The following VWA7 variants were observed in gnomAD, a reference collection of about 807,000 sequenced individuals.
VWA7 encodes von Willebrand factor A domain-containing protein 7.
VWA7 carries 66 observed loss-of-function variants against 83.1 expected under a neutral mutation model. The ratio of observed to expected loss-of-function variants is 0.79; its 90% CI spans 0.65 to 0.98. The LOEUF is 0.98. VWA7 is among the 50% of genes least tolerant of loss of function. VWA7 has a pLI of 0.00. For synonymous variants in VWA7, 424 were observed against 488.5 expected (o/e 0.87, Z 1.74); for missense variants, 1,080 against 1,160.2 (o/e 0.93, Z 1.00).
Position 31,770,019 on chromosome 6 carries a change from C to T in VWA7, c.1182G>A (p.Met394Ile). 12 of 1,612,900 alleles carry T rather than the reference C, an allele frequency of 7.4e-6. No homozygotes were observed. The highest frequency in any genetic ancestry group is 1.0e-5 in the Non-Finnish European group (12 of 1,179,984). The change falls in exon 8 of 17, where the codon ATG (methionine) becomes ATA (isoleucine). Residue 394 changes from methionine (M) to isoleucine (I), a missense_variant. Coordinates refer to ENST00000375688, the MANE Select transcript of VWA7 (RefSeq NM_025258.3). ...GCCAGACCTGCAGGGCTGACAGGCA[C>T]ATCTCAGGCTCGTCTCCACCCCCCA... Reference protein sequence around the residue: ...HALGGGDEPEMCLSALQLALL... With the variant: ...HALGGGDEPEICLSALQLALL...
chr6:31,773,157 T>C lies in VWA7; in HGVS notation c.918-34A>G. On this transcript the variant is annotated intron_variant, in intron 6 of 16. Transcript: ENST00000375688. This position sits in a 1 kb window ranked among gnomAD's most constrained non-coding sequence, Gnocchi z 5.3. ...CAAGCCAGAGACACAGTGAAGGGCC[T>C]GCACGTTTGTCCCCAGCGCCTGGTT... 1 of 1,602,012 alleles carries C rather than the reference T, an allele frequency of 6.2e-7. No homozygotes were observed. The highest frequency in any genetic ancestry group is 8.5e-7 in the Non-Finnish European group (1 of 1,174,838).
At position 31,776,568 on chromosome 6, in the gene VWA7, G is replaced by A. The variant is rs1027331068; in HGVS notation, c.212C>T (p.Pro71Leu). ...CACCAGGAAGTCCTCAAGACGAAGA[G>A]GGGGGCGGCCTGGGGGTGGCTGCTC... Reference protein sequence around the residue: ...FLEQPPPGRPPLRLEDFLGRT... With the variant: ...FLEQPPPGRPLLRLEDFLGRT... The change falls in exon 2 of 17, where the codon CCT becomes CTT. Residue 71 changes from proline (P) to leucine (L), a missense_variant. Transcript: ENST00000375688. The surrounding 1 kb of genome is among the most constrained non-coding windows in gnomAD (Gnocchi z 6.2). 3.9e-6 allele frequency: 6 copies of A among 1,548,164 alleles called. No individual in the cohort carries two copies. The highest frequency in any genetic ancestry group is 2.0e-5 in the Admixed American group (1 of 50,638).
At position 31,773,553 on chromosome 6, in the gene VWA7, G is replaced by T; in HGVS notation, c.722-116C>A. 9.0e-7 allele frequency: 1 copy of T among 1,109,908 alleles called. No homozygotes were observed. Among genetic ancestry groups the T allele is most frequent in the Non-Finnish European group, 1.2e-6 (1 of 802,286 alleles). 68.8% of individuals were successfully genotyped at this position (1,109,908 alleles called of 1,614,324 possible). On this transcript the variant is annotated intron_variant, in intron 5 of 16. Coordinates refer to ENST00000375688, the MANE Select transcript of VWA7 (RefSeq NM_025258.3). The surrounding 1 kb of genome is among the most constrained non-coding windows in gnomAD (Gnocchi z 5.3). ...TCACCCCTCAGCAAGGGTTCAGCAA[G>T]AAATGATGACGGGGTTGGCGCGGTG...
In VWA7 at chr6:31,770,015, G is replaced by A. The variant is rs753328929; in HGVS notation, c.1186C>T (p.Leu396=). ...LGGGDEPEMC[L]SALQLALLHT... ...AGGGGCCAGACCTGCAGGGCTGACA[G>A]GCACATCTCAGGCTCGTCTCCACCC... Residue 396 remains leucine, a synonymous_variant, in exon 8 of 17, where the codon CTG becomes TTG. Coordinates refer to ENST00000375688, the MANE Select transcript of VWA7 (RefSeq NM_025258.3). The A allele has an allele frequency of 1.2e-6, 2 of 1,612,950 alleles. No individual in the cohort carries two copies. Among genetic ancestry groups the A allele is most frequent in the Non-Finnish European group, 1.7e-6 (2 of 1,179,970 alleles).
At chr6:31,772,852 G>C (rs1056206044) in intron 7 of VWA7, 102 bp downstream of exon 7, 4 of 1,413,772 alleles carry the variant, frequency 2.8e-6, no homozygotes, top group Non-Finnish European at 3.8e-6. Context: ...ACCTGCCTCA[G>C]CCTCCCAAAG....
Position 31,775,273 on chromosome 6 carries a change from G to A in VWA7, c.610+60C>T. The A allele has an allele frequency of 2.1e-6, 3 of 1,420,134 alleles. No individual in the cohort carries two copies. The highest frequency in any genetic ancestry group is 2.9e-6 in the Non-Finnish European group (3 of 1,031,752). The allele number at this position is 1,420,134 out of a possible 1,614,324, so 88.0% of individuals were successfully genotyped here. A position where few individuals can be genotyped will look rare whatever the true frequency, so the allele number is the denominator to read the frequency against. On this transcript the variant is annotated intron_variant, in intron 4 of 16. Transcript: ENST00000375688. The surrounding 1 kb of genome is among the most constrained non-coding windows in gnomAD (Gnocchi z 5.9). Reference sequence around the variant, plus strand: ...TGGGACTTCAGAATGTGACACAGTGGCTGGGTGGACTGAGGTGGCCCTGTG... The same window carrying A: ...TGGGACTTCAGAATGTGACACAGTGACTGGGTGGACTGAGGTGGCCCTGTG...
Position 31,769,171 on chromosome 6 carries a change from C to G in VWA7, c.1350G>C (p.Arg450Ser), listed in dbSNP as rs137906227. Residue 450 changes from arginine (R) to serine (S), a missense_variant, in exon 10 of 17, where the codon AGG becomes AGC. Arg to Ser is a moderately radical substitution (Grantham distance 110). Transcript: ENST00000375688. This position sits in a 1 kb window ranked among gnomAD's most constrained non-coding sequence, Gnocchi z 4.5. The part of the protein sequence containing the change: ...VTFLVTEDTS[R>S]VQGRARREIL... ...TCTCACGCCGAGCTCGACCCTGAAC[C>G]CTTGATGTATCTTCAGTCACCAGGA... The G allele has an allele frequency of 1.9e-6, 3 of 1,613,034 alleles. 1 individual carries two copies. The highest frequency in any genetic ancestry group is 2.2e-5 in the South Asian group (2 of 91,082).
Position 31,775,073 on chromosome 6 carries a change from G to GCT in VWA7, c.610+259_610+260insAG. Among the ~76,000 whole-genome samples, 1 of 152,184 alleles carries GCT rather than the reference G, an allele frequency of 6.6e-6. No individual in the cohort carries two copies. The highest frequency in any genetic ancestry group is 2.4e-5 in the African/African-American group (1 of 41,438). ...GAGGGTGAGGGGGCTGTGAGAGAAG[G>GCT]CCCCATGGGAGTCAGTGCGGGGAGG... On this transcript the variant is annotated intron_variant, in intron 4 of 16. Coordinates refer to ENST00000375688, the MANE Select transcript of VWA7 (RefSeq NM_025258.3). This position sits in a 1 kb window ranked among gnomAD's most constrained non-coding sequence, Gnocchi z 5.9.
rs1180681920 is a variant in VWA7 at position 31,776,306 on chromosome 6, A to G, written c.235-64T>C. 1 of 1,562,228 alleles carries G rather than the reference A, an allele frequency of 6.4e-7. No individual in the cohort carries two copies. The highest frequency in any genetic ancestry group is 1.4e-5 in the African/African-American group (1 of 73,356). ...CTTTGGATTGACTGTTGCCCACCTTATCTCAGCAACTGACACTCAAGGCTG... is the reference window on the plus strand; with the variant it reads ...CTTTGGATTGACTGTTGCCCACCTTGTCTCAGCAACTGACACTCAAGGCTG... On this transcript the variant is annotated intron_variant, in intron 2 of 16. Coordinates refer to ENST00000375688, the MANE Select transcript of VWA7 (RefSeq NM_025258.3). The surrounding 1 kb of genome is among the most constrained non-coding windows in gnomAD (Gnocchi z 6.2).
chr6:31,766,449 C>G lies in VWA7; in HGVS notation c.2184+14G>C. The G allele has an allele frequency of 6.3e-7, 1 of 1,582,352 alleles. No individual in the cohort carries two copies. The highest frequency in any genetic ancestry group is 8.6e-7 in the Non-Finnish European group (1 of 1,163,474). Reference sequence around the variant, plus strand: ...TCTCTCCAGCCCCAGCCGCACTTTCCCCTGGCGTCTCACCTCCAGAAGGAC... The same window carrying G: ...TCTCTCCAGCCCCAGCCGCACTTTCGCCTGGCGTCTCACCTCCAGAAGGAC... On this transcript the variant is annotated intron_variant, in intron 14 of 16. Coordinates refer to ENST00000375688, the MANE Select transcript of VWA7 (RefSeq NM_025258.3). The surrounding 1 kb of genome is among the most constrained non-coding windows in gnomAD (Gnocchi z 4.9).
In VWA7 at chr6:31,773,101, A is replaced by C. The variant is rs1299759349; in HGVS notation, c.940T>G (p.Ser314Ala). 1.9e-6 allele frequency: 3 copies of C among 1,611,782 alleles called. No homozygotes were observed. The Admixed American group carries it at 5.0e-5, about 27-fold the overall frequency. The change falls in exon 7 of 17, where the codon TCC becomes GCC. Residue 314 changes from serine (S) to alanine (A), a missense_variant. Ser to Ala is a moderately conservative substitution (Grantham distance 99, BLOSUM62 1). Transcript: ENST00000375688. This position sits in a 1 kb window ranked among gnomAD's most constrained non-coding sequence, Gnocchi z 5.3. ...FSRLLDITPA[S>A]SLSFVLDTTG... ...GTGTCCAGGACAAAGCTCAGGCTGGAGGCTGGGGTGATGTCCAGCAGCCTG... is the reference window on the plus strand; with the variant it reads ...GTGTCCAGGACAAAGCTCAGGCTGGCGGCTGGGGTGATGTCCAGCAGCCTG...
chr6:31,769,661 C>T lies in VWA7; in HGVS notation c.1317+14G>A, dbSNP rs745357448. Reference sequence around the variant, plus strand: ...TGGGAGGCTAACACTGGGTCTCCCACTAGCTCTGCTCACCCGGCAGCGCCG... The same window carrying T: ...TGGGAGGCTAACACTGGGTCTCCCATTAGCTCTGCTCACCCGGCAGCGCCG... On this transcript the variant is annotated intron_variant, in intron 9 of 16. Coordinates refer to ENST00000375688, the MANE Select transcript of VWA7 (RefSeq NM_025258.3). This position sits in a 1 kb window ranked among gnomAD's most constrained non-coding sequence, Gnocchi z 4.5. The T allele has an allele frequency of 6.2e-7, 1 of 1,607,002 alleles. No individual in the cohort carries two copies. Among genetic ancestry groups the T allele is most frequent in the Non-Finnish European group, 8.5e-7 (1 of 1,174,688 alleles).
chr6:31,768,345 C>T (rs1343975556), intron 10 of VWA7, among the ~76,000 whole-genome samples: 2 of 151,988 alleles, frequency 1.3e-5, no homozygotes, highest in East Asian at 1.9e-4. Flanking sequence ...CGTGGTGGCT[C>T]ATGTCTGTAA....
In VWA7 at chr6:31,774,530, G is replaced by A. The variant is rs1399910890; in HGVS notation, c.707C>T (p.Pro236Leu). The A allele has an allele frequency of 5.6e-6, 9 of 1,612,586 alleles. No individual in the cohort carries two copies. The highest frequency in any genetic ancestry group is 1.3e-5 in the African/African-American group (1 of 74,884). The change falls in exon 5 of 17, where the codon CCC (proline) becomes CTC (leucine). Residue 236 changes from proline to leucine, a missense_variant. Coordinates refer to ENST00000375688, the MANE Select transcript of VWA7 (RefSeq NM_025258.3). ...LLTSGYFGTH[P>L]PKPPGKCSHG... ...TTGTCTGGTACCTGGAGGTTTCGGG[G>A]GATGAGTTCCAAAGTAGCCAGAGGT...
chr6:31,769,542 C>G lies in VWA7; in HGVS notation c.1317+133G>C. The G allele has an allele frequency of 1.2e-6, 1 of 810,622 alleles. No individual in the cohort carries two copies. Among genetic ancestry groups the G allele is most frequent in the Non-Finnish European group, 2.1e-6 (1 of 487,520 alleles). The allele number at this position is 810,622 out of a possible 1,614,324, so 50.2% of individuals were successfully genotyped here. On this transcript the variant is annotated intron_variant, in intron 9 of 16. Transcript: ENST00000375688. This position sits in a 1 kb window ranked among gnomAD's most constrained non-coding sequence, Gnocchi z 4.5. ...TATCAGGAAATGTTCCACTCATTGT[C>G]TGCTTCTCCCACCATATACCAAGGC...
In VWA7 at chr6:31,773,228, A is replaced by G; in HGVS notation, c.917+14T>C. On this transcript the variant is annotated intron_variant, in intron 6 of 16. Coordinates refer to ENST00000375688, the MANE Select transcript of VWA7 (RefSeq NM_025258.3). This position sits in a 1 kb window ranked among gnomAD's most constrained non-coding sequence, Gnocchi z 5.3. ...CCTCCCCATGAAGGGGTCCATCCCC[A>G]GGAGGCCACTCACCTGGAGAAATCC... The G allele has an allele frequency of 6.3e-7, 1 of 1,597,784 alleles. No individual in the cohort carries two copies. Among genetic ancestry groups the G allele is most frequent in the Non-Finnish European group, 8.5e-7 (1 of 1,172,644 alleles).
At chr6:31,774,666 AC>A in intron 4 of VWA7, 40 bp from the exon 5 acceptor site, 2 of 1,550,226 alleles carry the variant, frequency 1.3e-6, no homozygotes, top group Non-Finnish European at 1.8e-6. Flanking sequence ...AGATTCTGCC[AC>A]CCCCAGCCTT....
Position 31,766,023 on chromosome 6 carries a change from G to A in VWA7, c.2359C>T (p.Arg787Cys), listed in dbSNP as rs1030264140. ...HLELNESAWG[R>C]LWLEVPDSAA... ...GAATCTGGGACCTCCAGCCACAGGC[G>A]GCCCCAGGCCGACTCATTCAGTTCC... is the stretch of plus-strand genomic sequence containing the variant. Residue 787 changes from arginine (R) to cysteine (C), a missense_variant, in exon 16 of 17, where the codon CGC becomes TGC. Coordinates refer to ENST00000375688, the MANE Select transcript of VWA7 (RefSeq NM_025258.3). The surrounding 1 kb of genome is among the most constrained non-coding windows in gnomAD (Gnocchi z 4.9). 4.3e-6 allele frequency: 7 copies of A among 1,612,852 alleles called. No homozygotes were observed. Among genetic ancestry groups the A allele is most frequent in the East Asian group, 2.2e-5 (1 of 44,872 alleles).
rs1054461847 is a variant in VWA7, at chr6:31,776,354, C to T, written c.235-112G>A. On this transcript the variant is annotated intron_variant, in intron 2 of 16. Transcript: ENST00000375688. This position sits in a 1 kb window ranked among gnomAD's most constrained non-coding sequence, Gnocchi z 6.2. ...CTGGGTATGAGGGTCCTGAGCCCCA[C>T]AAAGGAGGGACAGTCCCGGACCTTT... 2.8e-6 allele frequency: 4 copies of T among 1,453,600 alleles called. No homozygotes were observed. The highest frequency in any genetic ancestry group is 3.7e-6 in the Non-Finnish European group (4 of 1,082,280). The allele number at this position is 1,453,600 out of a possible 1,614,324, so 90.0% of individuals were successfully genotyped here.
Sources: gnomAD v4.1 joint callset for allele counts (sites outside exome capture counted in the v4.1 genomes callset) on GRCh38, gnomAD v4.1.1 for gene constraint, Gnocchi (gnomAD v3.1) non-coding constraint, MANE v1.5 for transcripts, NCBI Gene and HGNC (gene_info 2026-07-23, HGNC 2026-07-21) for gene names.